The following DLG2 variants were observed in gnomAD, a reference collection of about 807,000 sequenced individuals.
The protein encoded by DLG2 is disks large homolog 2.
A neutral mutation model predicts 132.5 loss-of-function variants in DLG2; 45 were observed. The observed-to-expected ratio is 0.34, with a 90% CI of 0.27 to 0.44. The LOEUF (loss-of-function observed/expected upper bound fraction) is 0.44, where lower values mean the gene tolerates loss of function less well. Ranked by LOEUF, DLG2 falls within the 20% of genes least tolerant of loss-of-function variation. The probability of loss-of-function intolerance (pLI) is 1.00; values close to 1 mark genes in which losing one functional copy is unlikely to be tolerated. For missense variants in DLG2, 1,045 were observed against 1,196.9 expected (o/e 0.87, Z 1.87); for synonymous variants, 424 against 419.6 (o/e 1.01, Z -0.13).
intron 18 of DLG2, among the ~76,000 whole-genome samples, chr11:83,661,986 A>G (rs1458010530): frequency 2.0e-5 from 3 of 152,212 alleles, no homozygotes; most frequent in African/African-American, 7.2e-5. Context: ...GGACATTTGT[A>G]TTTTAATATA....
chr11:85,258,811 C>G (rs1332901118), intron 4 of DLG2, among the ~76,000 whole-genome samples: 2 of 152,138 alleles, frequency 1.3e-5, no homozygotes, highest in Non-Finnish European at 2.9e-5. Flanking sequence ...AGGGGAGGCT[C>G]AAGCTCTGCC....
chr11:85,547,329 T>G (rs1405794886), intron 3 of DLG2, among the ~76,000 whole-genome samples: 1 of 152,212 alleles, frequency 6.6e-6, no homozygotes, highest in Admixed American at 6.5e-5. Flanking sequence ...CACTCTCTTT[T>G]GGCTTGTAGG....
chr11:83,587,642 T>A (rs192747749), intron 19 of DLG2, among the ~76,000 whole-genome samples: 1 of 152,134 alleles, frequency 6.6e-6, no homozygotes, highest in South Asian at 2.1e-4. Context: ...AGAATTTATA[T>A]AGAGAGGAAT....
At chr11:84,551,139 G>A (rs1303415232) in intron 6 of DLG2, among the ~76,000 whole-genome samples, 1 of 152,138 alleles carries the variant, frequency 6.6e-6, no homozygotes, top group Non-Finnish European at 1.5e-5. Flanking sequence ...TATTACTAGT[G>A]TGTTCCAATC....
chr11:84,295,155 C>G (rs1396053842), intron 7 of DLG2, among the ~76,000 whole-genome samples: 1 of 152,128 alleles, frequency 6.6e-6, no homozygotes, highest in Non-Finnish European at 1.5e-5. Flanking sequence ...AACCTGAGCT[C>G]TGATTACAAA....
At chr11:84,650,882 T>TAC (rs1486678624) in intron 6 of DLG2, among the ~76,000 whole-genome samples, 7 of 115,472 alleles carry the variant, frequency 6.1e-5, no homozygotes, top group Admixed American at 7.9e-5. Flanking sequence ...TGTATATATA[T>TAC]ATATATATAT....
intron 8 of DLG2, among the ~76,000 whole-genome samples, chr11:84,170,058 A>T (rs988893536): frequency 1.3e-5 from 2 of 152,132 alleles, no homozygotes; most frequent in African/African-American, 4.8e-5. Context: ...CAGGTTGTAT[A>T]TTAACCTTTT....
At position 84,679,649 on chromosome 11, in the gene DLG2, T is replaced by C. The variant is rs1278181931; in HGVS notation, c.358-144918A>G. Reference sequence around the variant, plus strand: ...TATAATAGTTACCATTTATTGAGAGTTTACTATATGTCAAAGTCTGTTCTA... The same window carrying C: ...TATAATAGTTACCATTTATTGAGAGCTTACTATATGTCAAAGTCTGTTCTA... On this transcript the variant is annotated intron_variant, in intron 6 of 27. Transcript: ENST00000376104. Among the ~76,000 whole-genome samples, 3 of 151,948 alleles carry C rather than the reference T, an allele frequency of 2.0e-5. No individual in the cohort carries two copies. In the East Asian group the frequency reaches 5.8e-4, roughly 29 times the overall value.
chr11:83,717,229 A>T (rs1211123638), intron 18 of DLG2, among the ~76,000 whole-genome samples: 1 of 152,244 alleles, frequency 6.6e-6, no homozygotes, highest in East Asian at 1.9e-4. Context: ...CTAAAAAACG[A>T]CCACCAATAC....
At chr11:83,906,304 CACACACACACACACA>C (rs1565586421) in intron 15 of DLG2, among the ~76,000 whole-genome samples, 7 of 143,970 alleles carry the variant, frequency 4.9e-5, no homozygotes, top group Admixed American at 1.4e-4. Context: ...CACACACACA[CACACACACACACACA>C]CCTCGGCCTC....
intron 21 of DLG2, among the ~76,000 whole-genome samples, chr11:83,496,495 A>C (rs1378765673): frequency 6.6e-6 from 1 of 152,192 alleles, no homozygotes; most frequent in East Asian, 1.9e-4. Flanking sequence ...TGTCCACAAA[A>C]AGGTATCTTT....
intron 18 of DLG2, among the ~76,000 whole-genome samples, chr11:83,718,210 G>A (rs145077798): frequency 6.6e-6 from 1 of 152,276 alleles, no homozygotes; most frequent in East Asian, 1.9e-4. Flanking sequence ...GCTTCTCAGA[G>A]CAGGACTTAA....
intron 3 of DLG2, among the ~76,000 whole-genome samples, chr11:85,408,559 A>G (rs1394358444): frequency 1.2e-5 from 1 of 85,752 alleles, no homozygotes; most frequent in African/African-American, 4.7e-5. Context: ...CCCCCACCCC[A>G]CAGCAGTCCC....
At chr11:84,250,042 C>T (rs2097351632) in intron 8 of DLG2, among the ~76,000 whole-genome samples, 2 of 152,124 alleles carry the variant, frequency 1.3e-5, no homozygotes, top group African/African-American at 4.8e-5. Flanking sequence ...CTCAGGACCG[C>T]CAGTTCTTTT....
At chr11:83,826,435 T>C (rs569371108) in intron 17 of DLG2, among the ~76,000 whole-genome samples, 10 of 151,956 alleles carry the variant, frequency 6.6e-5, no homozygotes, top group Non-Finnish European at 1.2e-4. Context: ...TCCAGTAAGG[T>C]AGGGAGAAGT....
intron 3 of DLG2, among the ~76,000 whole-genome samples, chr11:85,500,892 T>G (rs1376816030): frequency 6.6e-6 from 1 of 152,248 alleles, no homozygotes; most frequent in African/African-American, 2.4e-5. Flanking sequence ...TACCACTGAC[T>G]TTCTTCACAG....
intron 5 of DLG2, among the ~76,000 whole-genome samples, chr11:85,136,268 C>T (rs566369383): frequency 3.9e-5 from 6 of 152,138 alleles, no homozygotes; most frequent in African/African-American, 7.2e-5. Flanking sequence ...TGTTTGTATT[C>T]GCCTCAAGTG....
intron 11 of DLG2, among the ~76,000 whole-genome samples, chr11:84,047,916 A>C (rs142612635): frequency 2.2e-4 from 33 of 151,738 alleles, no homozygotes; most frequent in African/African-American, 8.0e-4. Flanking sequence ...CAATATTTGT[A>C]GTTTGTTCTT....
intron 3 of DLG2, among the ~76,000 whole-genome samples, chr11:85,365,336 G>A (rs958365410): frequency 1.3e-5 from 2 of 152,036 alleles, no homozygotes; most frequent in Admixed American, 6.6e-5. Context: ...TATTTAAATA[G>A]GTCAAATTCT....
Sources: gnomAD v4.1 joint callset for allele counts (sites outside exome capture counted in the v4.1 genomes callset) on GRCh38, gnomAD v4.1.1 for gene constraint, MANE v1.5 for transcripts, NCBI Gene and HGNC (gene_info 2026-07-23, HGNC 2026-07-21) for gene names.